The following ROBO2 variants were observed in gnomAD, a reference collection of about 807,000 sequenced individuals.
The protein encoded by ROBO2 is roundabout guidance receptor 2, also known as roundabout homolog 2.
Under a neutral mutation model 160.8 loss-of-function variants are expected in ROBO2, and 53 were observed. The observed-to-expected ratio is 0.33, with a 90% CI of 0.26 to 0.41. ROBO2 has a LOEUF of 0.41. Ranked by LOEUF, ROBO2 falls within the 10% of genes least tolerant of loss-of-function variation. The probability of loss-of-function intolerance (pLI) is 1.00; values close to 1 mark genes in which losing one functional copy is unlikely to be tolerated. For missense variants in ROBO2, 1,577 were observed against 1,722.4 expected, an observed-to-expected ratio of 0.92 and a Z score of 1.49; for synonymous variants, 664 against 611.7, an observed-to-expected ratio of 1.09 and a Z score of -1.26.
chr3:76,779,697 G>A (rs568117288), intron 2 of ROBO2, among the ~76,000 whole-genome samples: 4 of 150,986 alleles, frequency 2.6e-5, no homozygotes, highest in African/African-American at 7.3e-5. Flanking sequence ...TCTTTTTTAA[G>A]GCTAGTCAAG....
intron 2 of ROBO2, among the ~76,000 whole-genome samples, chr3:76,969,472 CTCTG>C (rs1215130782): frequency 6.6e-6 from 1 of 152,068 alleles, no homozygotes. Context: ...ATGTGATGTA[CTCTG>C]TCTGTAAGTA....
At chr3:76,246,453 TACTC>T (rs1705626682) in intron 2 of ROBO2, among the ~76,000 whole-genome samples, 1 of 152,168 alleles carries the variant, frequency 6.6e-6, no homozygotes, top group South Asian at 2.1e-4. Context: ...TCTGATTAGT[TACTC>T]AGCATTTTCT....
intron 2 of ROBO2, among the ~76,000 whole-genome samples, chr3:77,321,208 A>G (rs1205764282): frequency 6.6e-6 from 1 of 152,120 alleles, no homozygotes; most frequent in Non-Finnish European, 1.5e-5. Flanking sequence ...ATATTGCTGT[A>G]CTTCTCTGTG....
At chr3:76,522,398 T>C (rs2081674534) in intron 2 of ROBO2, among the ~76,000 whole-genome samples, 1 of 152,152 alleles carries the variant, frequency 6.6e-6, no homozygotes. Context: ...ACTCCATCTT[T>C]CTTCATCAAT....
chr3:76,695,540 A>C (rs2107325114), intron 2 of ROBO2, among the ~76,000 whole-genome samples: 1 of 152,284 alleles, frequency 6.6e-6, no homozygotes, highest in Non-Finnish European at 1.5e-5. Flanking sequence ...CCTTTGAAAT[A>C]GTTTTTGTTT....
chr3:77,048,382 G>A (rs761613865), intron 1 of ROBO2, among the ~76,000 whole-genome samples: 1 of 152,146 alleles, frequency 6.6e-6, no homozygotes, highest in Non-Finnish European at 1.5e-5. Flanking sequence ...ATCATAAGCT[G>A]ATTACAAAAC....
intron 2 of ROBO2, among the ~76,000 whole-genome samples, chr3:76,119,739 C>T (rs1445067569): frequency 2.6e-5 from 4 of 151,906 alleles, no homozygotes; most frequent in Admixed American, 6.6e-5. Context: ...CTTTATTTTA[C>T]GCACATACAC....
intron 1 of ROBO2, among the ~76,000 whole-genome samples, chr3:77,060,370 C>G (rs542335925): frequency 6.6e-6 from 1 of 152,274 alleles, no homozygotes; most frequent in East Asian, 1.9e-4. Context: ...AATTCCGCAT[C>G]TAGTCCATTC....
At chr3:77,465,805 G>C (rs1375729791) in intron 2 of ROBO2, among the ~76,000 whole-genome samples, 1 of 152,146 alleles carries the variant, frequency 6.6e-6, no homozygotes, top group Non-Finnish European at 1.5e-5. Flanking sequence ...AGGAATGTAA[G>C]AAACTGTGCT....
intron 1 of ROBO2, among the ~76,000 whole-genome samples, chr3:77,042,170 C>CGT (rs2064167325): frequency 6.6e-6 from 1 of 152,126 alleles, no homozygotes; most frequent in Non-Finnish European, 1.5e-5. Flanking sequence ...GGGAGGGATG[C>CGT]GTGTGTGTGC....
intron 2 of ROBO2, among the ~76,000 whole-genome samples, chr3:76,554,909 C>T (rs528250929): frequency 1.6e-4 from 25 of 151,908 alleles, no homozygotes; most frequent in Admixed American, 3.9e-4. Context: ...GTGTCTGGCA[C>T]GTTCCCAAGG....
Position 77,454,761 on chromosome 3 carries a change from G to A in ROBO2, c.389-22653G>A, listed in dbSNP as rs572050956. 4.7e-4 allele frequency among the ~76,000 whole-genome samples: 72 copies of A among 152,120 alleles called. 1 individual carries two copies. Among genetic ancestry groups the A allele is most frequent in the Admixed American group, 3.7e-3 (57 of 15,288 alleles). ...TCATTCTAACCAATTTTACTTAATTGTGTCTTCTCTTTTTCAATTTATTTA... is the reference window on the plus strand; with the variant it reads ...TCATTCTAACCAATTTTACTTAATTATGTCTTCTCTTTTTCAATTTATTTA... On this transcript the variant is annotated intron_variant, in intron 2 of 25. Transcript: ENST00000461745.
chr3:76,611,909 C>T (rs1193505747), intron 2 of ROBO2, among the ~76,000 whole-genome samples: 1 of 152,084 alleles, frequency 6.6e-6, no homozygotes, highest in Non-Finnish European at 1.5e-5. Context: ...TATAAACTTT[C>T]CTCTTGGTAC....
At chr3:76,350,672 G>A (rs1403069605) in intron 2 of ROBO2, among the ~76,000 whole-genome samples, 2 of 151,902 alleles carry the variant, frequency 1.3e-5, no homozygotes, top group African/African-American at 4.8e-5. Context: ...TTTAATGGGA[G>A]CTTATTTTTA....
chr3:76,907,490 C>T (rs186045569), intron 2 of ROBO2, among the ~76,000 whole-genome samples: 1 of 152,210 alleles, frequency 6.6e-6, no homozygotes, highest in African/African-American at 2.4e-5. Context: ...TTTGTTCCCC[C>T]TCTTTCTTTC....
At chr3:76,917,005 A>T (rs1218625781) in intron 2 of ROBO2, among the ~76,000 whole-genome samples, 5 of 152,186 alleles carry the variant, frequency 3.3e-5, no homozygotes, top group Non-Finnish European at 7.3e-5. Context: ...CATTGACCAA[A>T]AAAGCAGACA....
chr3:76,591,291 C>A (rs1310702222), intron 2 of ROBO2, among the ~76,000 whole-genome samples: 6 of 152,086 alleles, frequency 3.9e-5, no homozygotes, highest in African/African-American at 1.2e-4. Flanking sequence ...AAAGGACTTC[C>A]TCCTCCCTTG....
chr3:76,854,024 CTCTCTCTCTCTCT>C (rs2069729281), intron 2 of ROBO2, among the ~76,000 whole-genome samples: 3 of 15,064 alleles, frequency 2.0e-4, no homozygotes, highest in South Asian at 3.1e-3. Flanking sequence ...GACTTTCTCT[CTCTCTCTCTCTCT>C]CTCTCTCTCT....
intron 2 of ROBO2, among the ~76,000 whole-genome samples, chr3:76,970,655 A>G (rs558597819): frequency 2.0e-5 from 3 of 152,208 alleles, no homozygotes; most frequent in Non-Finnish European, 4.4e-5. Flanking sequence ...GGTTCAGCCA[A>G]TGAATCAATG....
Sources: allele counts gnomAD v4.1 joint callset (sites outside exome capture counted in the v4.1 genomes callset), GRCh38; gene constraint gnomAD v4.1.1; transcripts MANE v1.5; gene names NCBI Gene and HGNC (gene_info 2026-07-23, HGNC 2026-07-21).